Variants in PHF3 observed in about 807,000 individuals in gnomAD.
PHF3 encodes PHD finger protein 3.
Under a neutral mutation model 178.4 loss-of-function variants are expected in PHF3, and 41 were observed. That is an observed-to-expected ratio of 0.23 (90% CI 0.18 to 0.30). The LOEUF is 0.30. PHF3 is among the 10% of genes least tolerant of loss of function. The pLI, the probability that PHF3 is intolerant of heterozygous loss-of-function variation, is 1.00. For missense variants in PHF3, 2,346 were observed against 2,398.1 expected (o/e 0.98, Z 0.45); for synonymous variants, 842 against 800.5 (o/e 1.05, Z -0.88).
chr6:63,642,923 A>T (rs1205013723), intron 1 of PHF3, among the ~76,000 whole-genome samples: 1 of 152,078 alleles, frequency 6.6e-6, no homozygotes. Context: ...TTTTTTTAAG[A>T]CTTTATTTTG....
chr6:63,679,769 A>T (rs575021341), intron 2 of PHF3: 2 of 549,682 alleles, frequency 3.6e-6, no homozygotes, highest in South Asian at 3.1e-5. Context: ...AGAGTATAAT[A>T]TAGCTAATAC....
chr6:63,669,131 A>G (rs181194752), intron 2 of PHF3, among the ~76,000 whole-genome samples: 2 of 152,226 alleles, frequency 1.3e-5, no homozygotes, highest in Non-Finnish European at 2.9e-5. Context: ...TAGTGGACAG[A>G]TCAGTCTTGG....
chr6:63,665,486 GTT>G (rs11427203), intron 2 of PHF3, among the ~76,000 whole-genome samples: 2 of 111,210 alleles, frequency 1.8e-5, no homozygotes, highest in African/African-American at 7.1e-5. Flanking sequence ...GTTTTTTTTT[GTT>G]TTTTTTTTTT....
At chr6:63,707,140 G>GA (rs921777254) in intron 13 of PHF3, among the ~76,000 whole-genome samples, 1 of 152,188 alleles carries the variant, frequency 6.6e-6, no homozygotes, top group African/African-American at 2.4e-5. Flanking sequence ...AAATCAATGA[G>GA]AGTCTACATG....
chr6:63,674,253 C>CATTT (rs1298277806), intron 2 of PHF3, among the ~76,000 whole-genome samples: 2 of 10,126 alleles, frequency 2.0e-4, no homozygotes, highest in Admixed American at 2.3e-3. Flanking sequence ...TTTGGAGAGA[C>CATTT]ATTTGATGAT....
intron 2 of PHF3, among the ~76,000 whole-genome samples, chr6:63,675,891 T>G (rs1334560124): frequency 6.6e-6 from 1 of 152,210 alleles, no homozygotes; most frequent in Non-Finnish European, 1.5e-5. Context: ...ACTTACTTCT[T>G]AACTCCTTCT....
intron 2 of PHF3, among the ~76,000 whole-genome samples, chr6:63,656,159 A>G (rs984299974): frequency 1.2e-4 from 18 of 152,268 alleles, no homozygotes; most frequent in Admixed American, 1.2e-3. Flanking sequence ...TGAAGTCTTT[A>G]TTTTGCATAT....
At chr6:63,689,093 C>T (rs1766879314) in intron 4 of PHF3, among the ~76,000 whole-genome samples, 1 of 152,170 alleles carries the variant, frequency 6.6e-6, no homozygotes, top group African/African-American at 2.4e-5. Flanking sequence ...GCAACATATG[C>T]TAGATTTTTA....
chr6:63,658,212 T>C (rs939750373), intron 2 of PHF3, among the ~76,000 whole-genome samples: 1 of 152,222 alleles, frequency 6.6e-6, no homozygotes, highest in Non-Finnish European at 1.5e-5. Flanking sequence ...TAGACAAGGT[T>C]GTTCACAACT....
At chr6:63,681,534 C>A (rs969487912) in intron 3 of PHF3, among the ~76,000 whole-genome samples, 1 of 151,952 alleles carries the variant, frequency 6.6e-6, no homozygotes, top group Non-Finnish European at 1.5e-5. Context: ...TAAATTTTCT[C>A]ATATTTATCC....
Position 63,697,296 on chromosome 6 carries a change from T to C in PHF3, c.2681-927T>C, listed in dbSNP as rs181471197. Among the ~76,000 whole-genome samples the C allele has an allele frequency of 7.9e-5, 12 of 152,334 alleles. No individual in the cohort carries two copies. The East Asian group carries it at 2.1e-3, about 27-fold the overall frequency. On this transcript the variant is annotated intron_variant, in intron 6 of 15. Coordinates refer to ENST00000262043, the MANE Select transcript of PHF3 (RefSeq NM_001370348.2). Reference sequence around the variant, plus strand: ...GATAGTTGACAGTTTTTCCATTTTTTTTCAGTGAAATATGAAGAGCAAATC... The same window carrying C: ...GATAGTTGACAGTTTTTCCATTTTTCTTCAGTGAAATATGAAGAGCAAATC...
intron 1 of PHF3, among the ~76,000 whole-genome samples, chr6:63,638,851 T>G (rs1185314195): frequency 6.6e-6 from 1 of 152,168 alleles, no homozygotes; most frequent in Non-Finnish European, 1.5e-5. Flanking sequence ...GTTGCATTTT[T>G]GAGAACACAG....
intron 14 of PHF3, 129 bp downstream of exon 14, chr6:63,709,369 A>G: frequency 1.5e-6 from 1 of 670,410 alleles, no homozygotes; most frequent in Non-Finnish European, 2.6e-6. Flanking sequence ...TCTATGTAAT[A>G]TACCTCACAA....
Position 63,721,622 on chromosome 6 carries a change from A to AT in PHF3, c.*7917dup, listed in dbSNP as rs398123576. The AT allele has an allele frequency of 3.0e-5, 47 of 1,551,238 alleles. No homozygotes were observed. The highest frequency in any genetic ancestry group is 3.9e-5 in the Non-Finnish European group (45 of 1,146,568). ...TTTTAGTGGAGGCCTTTTCTGTTAC[A>AT]TTTATCCCATCTAGATCCAGGTAGC... On this transcript the variant is annotated 3_prime_UTR_variant, in exon 16 of 16. Transcript: ENST00000262043.
At chr6:63,679,504 T>C (rs1766332342) in intron 2 of PHF3, among the ~76,000 whole-genome samples, 1 of 152,004 alleles carries the variant, frequency 6.6e-6, no homozygotes, top group African/African-American at 2.4e-5. Flanking sequence ...TTTTTTCTTT[T>C]GGTACCAGTC....
intron 2 of PHF3, among the ~76,000 whole-genome samples, chr6:63,664,327 A>C (rs1765589675): frequency 6.6e-6 from 1 of 152,222 alleles, no homozygotes; most frequent in South Asian, 2.1e-4. Context: ...TTCTCTGTTC[A>C]TAGAGCATGA....
intron 13 of PHF3, among the ~76,000 whole-genome samples, chr6:63,708,492 A>G (rs1275986991): frequency 6.6e-6 from 1 of 152,156 alleles, no homozygotes; most frequent in Non-Finnish European, 1.5e-5. Flanking sequence ...ATCCCAAATC[A>G]AATATTTTAA....
chr6:63,655,676 T>C (rs902408775), intron 2 of PHF3, among the ~76,000 whole-genome samples: 10 of 152,262 alleles, frequency 6.6e-5, no homozygotes, highest in African/African-American at 2.4e-4. Context: ...GCAATATAGC[T>C]TAAAAGCACA....
chr6:63,640,855 T>TTG (rs1348454859), intron 1 of PHF3, among the ~76,000 whole-genome samples: 1 of 152,140 alleles, frequency 6.6e-6, no homozygotes, highest in Non-Finnish European at 1.5e-5. Flanking sequence ...GGATAATTTT[T>TTG]TGTGTGTGTG....
Sources: allele counts gnomAD v4.1 joint callset (sites outside exome capture counted in the v4.1 genomes callset), GRCh38; gene constraint gnomAD v4.1.1; transcripts MANE v1.5; gene names NCBI Gene and HGNC (gene_info 2026-07-23, HGNC 2026-07-21).